The following ASTN2 variants were observed in gnomAD, a reference collection of about 807,000 sequenced individuals.
ASTN2 encodes the protein astrotactin-2.
Under a neutral mutation model 139.8 loss-of-function variants are expected in ASTN2, and 54 were observed. The ratio of observed to expected loss-of-function variants is 0.39; its 90% CI spans 0.31 to 0.48. ASTN2 has a LOEUF of 0.48. ASTN2 is among the 20% of genes least tolerant of loss of function. The pLI is 0.95. For missense variants in ASTN2, 1,565 were observed against 1,725.1 expected, an observed-to-expected ratio of 0.91 and a Z score of 1.64; for synonymous variants, 756 against 719.5, an observed-to-expected ratio of 1.05 and a Z score of -0.81.
chr9:117,287,170 T>A (rs552985486), intron 2 of ASTN2, among the ~76,000 whole-genome samples: 1 of 152,126 alleles, frequency 6.6e-6, no homozygotes, highest in Non-Finnish European at 1.5e-5. Flanking sequence ...GTGCAGGGCA[T>A]TTGTGAGTGT....
At chr9:116,948,457 T>C (rs1013668794) in intron 10 of ASTN2, among the ~76,000 whole-genome samples, 8 of 152,192 alleles carry the variant, frequency 5.3e-5, no homozygotes, top group Non-Finnish European at 1.2e-4. Flanking sequence ...CATGTTTCCA[T>C]ACTTCTGACT....
intron 1 of ASTN2, among the ~76,000 whole-genome samples, chr9:117,397,602 C>T (rs1040075742): frequency 5.9e-5 from 9 of 152,138 alleles, no homozygotes; most frequent in Non-Finnish European, 1.3e-4. Context: ...CAAGAGGCAG[C>T]CTTGGGCCTA....
chr9:116,757,085 T>C (rs1829552796), intron 13 of ASTN2, among the ~76,000 whole-genome samples: 1 of 152,168 alleles, frequency 6.6e-6, no homozygotes, highest in Admixed American at 6.5e-5. Context: ...TTCCCTTTTT[T>C]TGAGGACTCC....
At chr9:117,179,889 A>G (rs550351961) in intron 3 of ASTN2, among the ~76,000 whole-genome samples, 335 of 151,896 alleles carry the variant, frequency 2.2e-3, no homozygotes, top group Non-Finnish European at 3.9e-3. Flanking sequence ...CTCAGACATT[A>G]CCCTCCCTAT....
At chr9:117,230,595 T>C (rs554733157) in intron 2 of ASTN2, among the ~76,000 whole-genome samples, 44 of 152,224 alleles carry the variant, frequency 2.9e-4, no homozygotes, top group South Asian at 1.0e-3. Context: ...CAGGACACTA[T>C]TAAACCCCGT....
At chr9:117,103,724 T>C (rs990542454) in intron 4 of ASTN2, among the ~76,000 whole-genome samples, 1 of 152,204 alleles carries the variant, frequency 6.6e-6, no homozygotes, top group Non-Finnish European at 1.5e-5. Context: ...ATTGCATTTT[T>C]AGATTACCCA....
At chr9:117,150,953 A>G (rs1408014935) in intron 3 of ASTN2, among the ~76,000 whole-genome samples, 1 of 152,094 alleles carries the variant, frequency 6.6e-6, no homozygotes, top group Non-Finnish European at 1.5e-5. Flanking sequence ...TCCCTCACTC[A>G]GCCTCCCAAA....
intron 16 of ASTN2, among the ~76,000 whole-genome samples, chr9:116,708,542 T>A (rs1828055655): frequency 6.6e-6 from 1 of 152,168 alleles, no homozygotes; most frequent in Admixed American, 6.5e-5. Flanking sequence ...ACACTGATCA[T>A]ACTGATCACA....
chr9:116,565,937 T>C (rs1015515855), intron 19 of ASTN2, among the ~76,000 whole-genome samples: 1 of 152,176 alleles, frequency 6.6e-6, no homozygotes, highest in African/African-American at 2.4e-5. Context: ...AGCTGGATAC[T>C]TGGATACTGT....
At chr9:116,490,143 T>C (rs892996602) in intron 19 of ASTN2, among the ~76,000 whole-genome samples, 1 of 151,952 alleles carries the variant, frequency 6.6e-6, no homozygotes, top group Non-Finnish European at 1.5e-5. Flanking sequence ...TTATTCAGCA[T>C]AATTTTGGCA....
At chr9:116,693,044 A>G (rs1860652138) in intron 16 of ASTN2, among the ~76,000 whole-genome samples, 1 of 152,194 alleles carries the variant, frequency 6.6e-6, no homozygotes, top group Non-Finnish European at 1.5e-5. Flanking sequence ...ATGCCTTTAT[A>G]TGCCATGAAA....
chr9:117,195,848 C>A (rs1424622866), intron 3 of ASTN2, among the ~76,000 whole-genome samples: 1 of 152,128 alleles, frequency 6.6e-6, no homozygotes, highest in African/African-American at 2.4e-5. Context: ...GGGGACCACT[C>A]GAAACACTCC....
intron 2 of ASTN2, among the ~76,000 whole-genome samples, chr9:117,270,193 A>G (rs1245897898): frequency 2.0e-5 from 3 of 152,230 alleles, no homozygotes; most frequent in Admixed American, 1.3e-4. Context: ...AAAACTTAAC[A>G]TGAGATCATG....
intron 2 of ASTN2, among the ~76,000 whole-genome samples, chr9:117,215,144 T>C (rs1832272416): frequency 6.6e-6 from 1 of 152,082 alleles, no homozygotes; most frequent in African/African-American, 2.4e-5. Flanking sequence ...CTAGACTCCA[T>C]CTCCCACCAG....
chr9:116,733,631 T>G (rs1159725750), intron 13 of ASTN2, 108 bp from the exon 14 acceptor site: 1 of 1,425,460 alleles, frequency 7.0e-7, no homozygotes, highest in East Asian at 2.3e-5. Flanking sequence ...CATGGTGGGG[T>G]GACTTTGCTG....
chr9:116,585,689 AT>A (rs1401856456), intron 19 of ASTN2: 2 of 152,210 alleles, frequency 1.3e-5, no homozygotes, highest in African/African-American at 4.8e-5. Flanking sequence ...AAAGATTTAA[AT>A]TTAAGTCCTC....
At chr9:117,190,980 T>C (rs1443112072) in intron 3 of ASTN2, among the ~76,000 whole-genome samples, 1 of 152,140 alleles carries the variant, frequency 6.6e-6, no homozygotes, top group Admixed American at 6.6e-5. Flanking sequence ...TGACACACAG[T>C]AGGTACTTAA....
intron 19 of ASTN2, among the ~76,000 whole-genome samples, chr9:116,550,561 G>C (rs1442475142): frequency 6.6e-6 from 1 of 152,168 alleles, no homozygotes; most frequent in African/African-American, 2.4e-5. Flanking sequence ...TGTGGGCAAG[G>C]TGGGGATTGG....
chr9:116,964,263 G>GCA (rs1835951995), intron 10 of ASTN2, among the ~76,000 whole-genome samples: 6 of 150,892 alleles, frequency 4.0e-5, no homozygotes, highest in Admixed American at 1.3e-4. Context: ...GTGTGCGCGC[G>GCA]CGCGCGTGTG....
Sources: gnomAD v4.1 joint callset for allele counts (sites outside exome capture counted in the v4.1 genomes callset) on GRCh38, gnomAD v4.1.1 for gene constraint, MANE v1.5 for transcripts, NCBI Gene and HGNC (gene_info 2026-07-23, HGNC 2026-07-21) for gene names.